Variants in FAT3 observed in about 807,000 individuals in gnomAD.
FAT3 encodes FAT atypical cadherin 3.
FAT3 carries 95 observed loss-of-function variants against 310.2 expected under a neutral mutation model. That is an observed-to-expected ratio of 0.31 (90% confidence interval 0.26 to 0.36). The LOEUF is 0.36. FAT3 is among the 10% of genes least tolerant of loss of function. FAT3 has a pLI of 1.00. For missense variants in FAT3, 5,408 were observed against 5,715.6 expected (o/e 0.95, Z 1.74); for synonymous variants, 2,314 against 2,192.9 (o/e 1.06, Z -1.54).
chr11:92,790,360 T>C (rs890090922), intron 8 of FAT3, 142 bp downstream of exon 8: 9 of 1,027,102 alleles, frequency 8.8e-6, no homozygotes, highest in Non-Finnish European at 1.1e-5. Flanking sequence ...GCATTCATTT[T>C]TGCCTTTTTA....
chr11:92,603,187 G>T (rs970851923), intron 3 of FAT3, among the ~76,000 whole-genome samples: 3 of 152,186 alleles, frequency 2.0e-5, no homozygotes, highest in African/African-American at 7.2e-5. Context: ...GAGAATTACA[G>T]AATTTCTTCA....
chr11:92,639,985 T>C (rs201888424), intron 3 of FAT3, among the ~76,000 whole-genome samples: 1 of 152,162 alleles, frequency 6.6e-6, no homozygotes, highest in Non-Finnish European at 1.5e-5. Context: ...CTCCATATCG[T>C]TCCTCCTCAG....
chr11:92,679,841 C>CAA (rs71064721), intron 3 of FAT3, among the ~76,000 whole-genome samples: 2,089 of 57,122 alleles, frequency 0.037, 245 homozygotes, highest in East Asian at 0.23. Context: ...GACTCCATCT[C>CAA]AAAAAAAAAA....
chr11:92,573,969 G>A (rs1439099965), intron 3 of FAT3, among the ~76,000 whole-genome samples: 3 of 152,136 alleles, frequency 2.0e-5, no homozygotes, highest in Non-Finnish European at 2.9e-5. Context: ...ATGAAGGTTT[G>A]CCATTCAGCC....
chr11:92,654,007 C>T (rs1426343343), intron 3 of FAT3, among the ~76,000 whole-genome samples: 2 of 152,010 alleles, frequency 1.3e-5, no homozygotes, highest in Non-Finnish European at 2.9e-5. Context: ...TTTAAATTAC[C>T]CCATTATAAG....
chr11:92,419,895 G>A (rs573487474), intron 2 of FAT3, among the ~76,000 whole-genome samples: 1 of 152,232 alleles, frequency 6.6e-6, no homozygotes, highest in Non-Finnish European at 1.5e-5. Flanking sequence ...CATCTTGAGA[G>A]GATAACCTTT....
At chr11:92,769,858 G>A (rs1037899387) in intron 6 of FAT3, among the ~76,000 whole-genome samples, 2 of 152,204 alleles carry the variant, frequency 1.3e-5, no homozygotes, top group East Asian at 3.9e-4. Context: ...ATAAGCTTTT[G>A]CCTGTCTTTC....
At chr11:92,740,322 G>T (rs1945471191) in intron 4 of FAT3, among the ~76,000 whole-genome samples, 1 of 152,118 alleles carries the variant, frequency 6.6e-6, no homozygotes, top group African/African-American at 2.4e-5. Context: ...GACTCCAGAG[G>T]CAGTGTGACT....
intron 3 of FAT3, among the ~76,000 whole-genome samples, chr11:92,659,452 G>C (rs1942697214): frequency 6.6e-6 from 1 of 152,168 alleles, no homozygotes. Context: ...TTTGTTATCA[G>C]TTCATGGACC....
chr11:92,304,936 T>G (rs1947083633), intron 1 of FAT3, among the ~76,000 whole-genome samples: 1 of 152,126 alleles, frequency 6.6e-6, no homozygotes, highest in Admixed American at 6.6e-5. Flanking sequence ...AATGCTAAAT[T>G]CTTTCTGAAT....
rs201837464 is a variant in FAT3 at position 92,271,474 on chromosome 11, T to C, written c.-18+46300T>C. ...CCCCTTAGGATGATCATATCTCATT[T>C]ATTTCGTTTTCTTCACAGCATATTT... On this transcript the variant is annotated intron_variant, in intron 1 of 27. Coordinates refer to ENST00000525166, the MANE Select transcript of FAT3 (RefSeq NM_001367949.2). Among the ~76,000 whole-genome samples the C allele has an allele frequency of 3.0e-4, 46 of 152,286 alleles. No individual in the cohort carries two copies. The East Asian group carries it at 5.2e-3, about 17-fold the overall frequency.
In FAT3 at chr11:92,840,554, T is replaced by C. The variant is rs1343623866; in HGVS notation, c.10369-8T>C. ...ATCTTCATTTTTACTATATACTCTT[T>C]TATGCAGGAAAATAAGCCAGTGGGC... On this transcript the variant is annotated splice_polypyrimidine_tract_variant and splice_region_variant and intron_variant, in intron 17 of 27. Coordinates refer to ENST00000525166, the MANE Select transcript of FAT3 (RefSeq NM_001367949.2). 1.3e-6 allele frequency: 2 copies of C among 1,578,356 alleles called. No homozygotes were observed. The highest frequency in any genetic ancestry group is 1.1e-5 in the South Asian group (1 of 88,168).
At chr11:92,819,216 T>C (rs1947898592) in intron 13 of FAT3, among the ~76,000 whole-genome samples, 1 of 152,174 alleles carries the variant, frequency 6.6e-6, no homozygotes, top group African/African-American at 2.4e-5. Flanking sequence ...TTAATAGTGA[T>C]GCTATAGTCA....
At chr11:92,232,128 G>A (rs925421431) in intron 1 of FAT3, among the ~76,000 whole-genome samples, 3 of 152,122 alleles carry the variant, frequency 2.0e-5, no homozygotes, top group African/African-American at 7.2e-5. Flanking sequence ...TGCAGCTAGG[G>A]TTTTCTCAGA....
chr11:92,849,576 C>T (rs1948768060), intron 19 of FAT3, among the ~76,000 whole-genome samples: 1 of 152,136 alleles, frequency 6.6e-6, no homozygotes, highest in Admixed American at 6.5e-5. Flanking sequence ...TCCTTTGCTC[C>T]TTGACTGTAA....
At chr11:92,315,479 G>GTGTGTATATA (rs1555009286) in intron 1 of FAT3, among the ~76,000 whole-genome samples, 1 of 65,186 alleles carries the variant, frequency 1.5e-5, no homozygotes, top group Non-Finnish European at 3.0e-5. Flanking sequence ...GTGTGTGTGT[G>GTGTGTATATA]TATATATATA....
rs779299345 is a variant in FAT3 at position 92,799,161 on chromosome 11, T to C, written c.6148T>C (p.Tyr2050His). The change falls in exon 10 of 28, where the codon TAT becomes CAT. Residue 2050 changes from tyrosine to histidine, a missense_variant. This residue lies in a region of FAT3 where 4,588 missense variants were observed against 4,809.8 expected (regional missense o/e 0.95). Transcript: ENST00000525166. ...CTTTGACCGTGAAGAACAAGAGTTA[T>C]ATGAGCTGGTGGTAGAAGCCAGCCG... ...VPFDREEQEL[Y>H]ELVVEASREL... The C allele has an allele frequency of 2.5e-6, 4 of 1,613,814 alleles. No individual in the cohort carries two copies. The highest frequency in any genetic ancestry group is 1.3e-5 in the African/African-American group (1 of 74,920).
At chr11:92,344,683 G>T (rs752889948) in intron 1 of FAT3, among the ~76,000 whole-genome samples, 10 of 152,186 alleles carry the variant, frequency 6.6e-5, no homozygotes, top group Non-Finnish European at 1.3e-4. Context: ...TGCTGGTTTT[G>T]CTGTCACACC....
In FAT3 at chr11:92,655,995, G is replaced by T. The variant is rs184894816; in HGVS notation, c.3608-41389G>T. 4.6e-5 allele frequency among the ~76,000 whole-genome samples: 7 copies of T among 152,172 alleles called. No individual in the cohort carries two copies. In the East Asian group the frequency reaches 1.4e-3, roughly 29 times the overall value. Reference sequence around the variant, plus strand: ...TTAAATCCATCCCATTTTGTCCATTGCCACATTTCACAGGGAAACAAGAGG... The same window carrying T: ...TTAAATCCATCCCATTTTGTCCATTTCCACATTTCACAGGGAAACAAGAGG... On this transcript the variant is annotated intron_variant, in intron 3 of 27. Transcript: ENST00000525166.
Sources: gnomAD v4.1 joint callset for allele counts (sites outside exome capture counted in the v4.1 genomes callset) on GRCh38, gnomAD v4.1.1 for gene constraint, gnomAD v4.1.1 regional missense constraint, MANE v1.5 for transcripts, NCBI Gene and HGNC (gene_info 2026-07-23, HGNC 2026-07-21) for gene names.